The following RALYL variants were observed in gnomAD, a reference collection of about 807,000 sequenced individuals.
RALYL encodes RNA-binding Raly-like protein.
In RALYL, 29 loss-of-function variants were observed where a neutral mutation model predicts 35.1. The observed-to-expected ratio is 0.83, with a 90% CI of 0.61 to 1.13. The LOEUF (loss-of-function observed/expected upper bound fraction) is 1.13. Among genes scored for constraint, RALYL ranks in the 50% most tolerant of loss-of-function variants. The pLI is 0.00. For synonymous variants in RALYL, 120 were observed against 127.6 expected (o/e 0.94, Z 0.40); for missense variants, 359 against 360.4 (o/e 1.00, Z 0.03).
intron 1 of RALYL, among the ~76,000 whole-genome samples, chr8:84,443,025 AAT>A (rs2048498941): frequency 6.6e-6 from 1 of 152,116 alleles, no homozygotes; most frequent in Non-Finnish European, 1.5e-5. Flanking sequence ...TAAATATGTC[AAT>A]GTTTGCAAAG....
chr8:84,460,035 G>A (rs1228259699), intron 1 of RALYL, among the ~76,000 whole-genome samples: 1 of 151,726 alleles, frequency 6.6e-6, no homozygotes, highest in Non-Finnish European at 1.5e-5. Context: ...TGTAGTCGAA[G>A]CAATGAGATG....
chr8:84,378,606 TGAGA>T (rs1378675284), intron 1 of RALYL, among the ~76,000 whole-genome samples: 1 of 151,918 alleles, frequency 6.6e-6, no homozygotes, highest in Non-Finnish European at 1.5e-5. Flanking sequence ...TGTTGATAAA[TGAGA>T]GAAACAGACT....
At chr8:84,746,521 A>G (rs1265491272) in intron 2 of RALYL, among the ~76,000 whole-genome samples, 1 of 151,990 alleles carries the variant, frequency 6.6e-6, no homozygotes, top group Admixed American at 6.6e-5. Flanking sequence ...TAAGAGAATC[A>G]GTCATGGTCC....
chr8:84,696,813 T>C (rs1839238153), intron 2 of RALYL, among the ~76,000 whole-genome samples: 1 of 152,006 alleles, frequency 6.6e-6, no homozygotes, highest in Non-Finnish European at 1.5e-5. Context: ...GTGCTGGTAA[T>C]GGCAAATGCA....
At chr8:84,699,046 A>T (rs1839725084) in intron 2 of RALYL, among the ~76,000 whole-genome samples, 1 of 152,026 alleles carries the variant, frequency 6.6e-6, no homozygotes, top group South Asian at 2.1e-4. Flanking sequence ...AGATAGATAG[A>T]TAGATAGATA....
intron 5 of RALYL, among the ~76,000 whole-genome samples, chr8:84,855,557 A>G (rs890091110): frequency 5.3e-5 from 8 of 152,236 alleles, no homozygotes; most frequent in Non-Finnish European, 1.2e-4. Flanking sequence ...GCATTGCCCA[A>G]TAATTTACAG....
At chr8:84,661,823 G>T (rs1830984034) in intron 2 of RALYL, among the ~76,000 whole-genome samples, 1 of 151,670 alleles carries the variant, frequency 6.6e-6, no homozygotes, top group African/African-American at 2.4e-5. Context: ...TCTTCTTCTT[G>T]CCTCTTTTCT....
At chr8:84,513,022 T>C (rs1313083547) in intron 1 of RALYL, among the ~76,000 whole-genome samples, 1 of 152,190 alleles carries the variant, frequency 6.6e-6, no homozygotes, top group East Asian at 1.9e-4. Flanking sequence ...CTTCTTTTGG[T>C]TCCATATAAA....
At position 84,439,230 on chromosome 8, in the gene RALYL, G is replaced by A. The variant is rs556027934; in HGVS notation, c.-23-90069G>A. 5.3e-5 allele frequency among the ~76,000 whole-genome samples: 8 copies of A among 152,080 alleles called. No homozygotes were observed. The South Asian group carries it at 1.7e-3, about 32-fold the overall frequency. ...TCAAATCCATGAACATGGAATGTTTGTCGATTTGTTTGTGTCATCTATGAT... is the reference window on the plus strand; with the variant it reads ...TCAAATCCATGAACATGGAATGTTTATCGATTTGTTTGTGTCATCTATGAT... On this transcript the variant is annotated intron_variant, in intron 1 of 8. Transcript: ENST00000521268.
chr8:84,401,222 C>T (rs1007095229), intron 1 of RALYL, among the ~76,000 whole-genome samples: 1 of 152,012 alleles, frequency 6.6e-6, no homozygotes, highest in Non-Finnish European at 1.5e-5. Flanking sequence ...GCTTTCTTTT[C>T]TTCTTCTTTT....
chr8:84,852,711 C>T (rs960538372), intron 5 of RALYL, among the ~76,000 whole-genome samples: 12 of 152,124 alleles, frequency 7.9e-5, no homozygotes, highest in Admixed American at 1.3e-4. Flanking sequence ...CAATTCAGAC[C>T]CCAAGAGAGG....
At chr8:84,737,407 T>A (rs1847512544) in intron 2 of RALYL, among the ~76,000 whole-genome samples, 1 of 151,996 alleles carries the variant, frequency 6.6e-6, no homozygotes, top group African/African-American at 2.4e-5. Context: ...TGGAGATATT[T>A]TAGATTACCT....
intron 1 of RALYL, among the ~76,000 whole-genome samples, chr8:84,276,327 G>T (rs577753430): frequency 6.6e-6 from 1 of 152,032 alleles, no homozygotes; most frequent in Non-Finnish European, 1.5e-5. Flanking sequence ...CATCTGTAAG[G>T]CACCTTTATG....
intron 1 of RALYL, among the ~76,000 whole-genome samples, chr8:84,344,152 T>A (rs1849378926): frequency 6.6e-6 from 1 of 152,076 alleles, no homozygotes; most frequent in Non-Finnish European, 1.5e-5. Flanking sequence ...TTAGTTTATA[T>A]TTTATAACAA....
chr8:84,630,887 C>A (rs1232547720), intron 2 of RALYL, among the ~76,000 whole-genome samples: 4 of 151,900 alleles, frequency 2.6e-5, no homozygotes, highest in African/African-American at 9.7e-5. Context: ...GAAAAACTTG[C>A]AAATTAGATT....
chr8:84,432,126 C>T (rs1394693540), intron 1 of RALYL, among the ~76,000 whole-genome samples: 4 of 152,108 alleles, frequency 2.6e-5, no homozygotes, highest in African/African-American at 9.7e-5. Flanking sequence ...ATTGTTTGCG[C>T]TCCCCTGTTT....
At chr8:84,204,357 C>T (rs934149747) in intron 1 of RALYL, among the ~76,000 whole-genome samples, 8 of 151,882 alleles carry the variant, frequency 5.3e-5, no homozygotes, top group African/African-American at 1.7e-4. Flanking sequence ...AATATTCTGC[C>T]GTTGTCTTAA....
chr8:84,469,792 C>T (rs1386740445), intron 1 of RALYL, among the ~76,000 whole-genome samples: 3 of 151,998 alleles, frequency 2.0e-5, no homozygotes, highest in East Asian at 1.9e-4. Flanking sequence ...ATCAGCGAGA[C>T]TCCGTGGGCA....
At chr8:84,618,171 C>T (rs1229321343) in intron 2 of RALYL, among the ~76,000 whole-genome samples, 7 of 151,766 alleles carry the variant, frequency 4.6e-5, no homozygotes, top group South Asian at 2.1e-4. Context: ...AGGAATGGTA[C>T]CAGTTCTTCC....
Sources: gnomAD v4.1 joint callset for allele counts (sites outside exome capture counted in the v4.1 genomes callset) on GRCh38, gnomAD v4.1.1 for gene constraint, MANE v1.5 for transcripts, NCBI Gene and HGNC (gene_info 2026-07-23, HGNC 2026-07-21) for gene names.